The following GAS7 variants were observed in gnomAD, a reference collection of about 807,000 sequenced individuals.
The protein encoded by GAS7 is growth arrest-specific protein 7.
In GAS7, 28 loss-of-function variants were observed where a neutral mutation model predicts 71.1. That is an observed-to-expected ratio of 0.39 (90% CI 0.29 to 0.54). GAS7 has a LOEUF of 0.54. GAS7 is among the 20% of genes least tolerant of loss of function. The pLI, the probability that GAS7 is intolerant of heterozygous loss-of-function variation, is 0.62. For synonymous variants in GAS7, 258 were observed against 245.8 expected (o/e 1.05, Z -0.46); for missense variants, 436 against 627.8 (o/e 0.69, Z 3.27).
At chr17:9,971,918 C>T (rs2152121413) in intron 3 of GAS7, among the ~76,000 whole-genome samples, 1 of 152,278 alleles carries the variant, frequency 6.6e-6, no homozygotes, top group East Asian at 1.9e-4. Flanking sequence ...CACGGAGAAC[C>T]CGTCTCCTGC....
intron 11 of GAS7, among the ~76,000 whole-genome samples, chr17:9,922,849 C>G (rs1315740317): frequency 2.0e-5 from 3 of 152,136 alleles, no homozygotes; most frequent in Non-Finnish European, 4.4e-5. Context: ...GTTAGACCAC[C>G]AGTGTAAGGA....
At chr17:10,167,147 G>A (rs772990641) in intron 1 of GAS7, among the ~76,000 whole-genome samples, 2 of 124,410 alleles carry the variant, frequency 1.6e-5, no homozygotes, top group East Asian at 2.7e-4. Context: ...AACCTCCACC[G>A]CCTGGGTTCA....
chr17:9,940,198 A>G lies in GAS7; in HGVS notation c.734T>C (p.Ile245Thr), dbSNP rs1193959575. 13 of 1,611,922 alleles carry G rather than the reference A, an allele frequency of 8.1e-6. No individual in the cohort carries two copies. Among genetic ancestry groups the G allele is most frequent in the Non-Finnish European group, 1.1e-5 (13 of 1,178,132 alleles). The stretch of plus-strand genomic sequence containing the variant: ...CTTCGCATAGTCTTCTTCAATCTTT[A>G]TCCTGCAAAGAGAGAAAACCCAACA... ...KEMSEFIRER[I>T]KIEEDYAKNL... The change falls in exon 8 of 14, where the codon ATA becomes ACA. Residue 245 changes from isoleucine to threonine, a missense_variant and splice_region_variant. Ile to Thr is a moderately conservative substitution (Grantham distance 89). Transcript: ENST00000432992.
intron 5 of GAS7, among the ~76,000 whole-genome samples, chr17:9,951,433 T>C (rs1248871914): frequency 2.0e-5 from 3 of 151,916 alleles, no homozygotes. Flanking sequence ...GGCCTTGCCC[T>C]CTTGTCGGGG....
intron 9 of GAS7, among the ~76,000 whole-genome samples, chr17:9,932,214 G>A (rs1401326836): frequency 3.5e-5 from 1 of 28,690 alleles, no homozygotes; most frequent in South Asian, 1.0e-3. Context: ...TTTTTTTTTT[G>A]AGACAGAGTC....
intron 3 of GAS7, among the ~76,000 whole-genome samples, chr17:9,972,433 C>T (rs1041019622): frequency 6.6e-5 from 10 of 152,210 alleles, no homozygotes; most frequent in Admixed American, 3.9e-4. Context: ...GAATAAAACA[C>T]AGATGCTGAA....
chr17:9,920,293 G>T (rs34068256), intron 11 of GAS7, among the ~76,000 whole-genome samples: 1 of 152,130 alleles, frequency 6.6e-6, no homozygotes, highest in Non-Finnish European at 1.5e-5. Context: ...GCACACCCCA[G>T]CTTCAGGAGA....
chr17:9,919,580 G>A lies in GAS7; in HGVS notation c.1218+46C>T. On this transcript the variant is annotated intron_variant, in intron 12 of 13. Transcript: ENST00000432992. This position sits in a 1 kb window ranked among gnomAD's most constrained non-coding sequence, Gnocchi z 5.0. ...ACCAACAACCACCAGGGGCTGCTCT[G>A]TGTCAGCCTCTGTACTGCCATGTCC... 7.3e-7 allele frequency: 1 copy of A among 1,364,978 alleles called. No homozygotes were observed. Among genetic ancestry groups the A allele is most frequent in the African/African-American group, 1.4e-5 (1 of 70,266 alleles). The allele number at this position is 1,364,978 out of a possible 1,614,324, so 84.6% of individuals were successfully genotyped here.
chr17:10,170,303 T>C (rs2074326837), intron 1 of GAS7, among the ~76,000 whole-genome samples: 6 of 152,112 alleles, frequency 3.9e-5, no homozygotes. Flanking sequence ...AAAGCCCTCG[T>C]GCTTTGGCCC....
In GAS7 at chr17:9,925,505, T is replaced by C. The variant is rs2067968532; in HGVS notation, c.1109A>G (p.Lys370Arg). The change falls in exon 11 of 14, where the codon AAG becomes AGG. Residue 370 changes from lysine to arginine, a missense_variant. Physicochemically the swap from Lys to Arg is conservative, Grantham distance 26. Transcript: ENST00000432992. ...CTGTGTGGACTTTCTCCGCGCCTTC[T>C]TGATGTCCTCCTCTGTCTTGTTGCT... ...KLSNKTEEDI[K>R]KARRKSTQAG... 6.2e-7 allele frequency: 1 copy of C among 1,614,080 alleles called. No individual in the cohort carries two copies. The highest frequency in any genetic ancestry group is 8.5e-7 in the Non-Finnish European group (1 of 1,180,026).
chr17:9,982,376 T>C lies in GAS7; in HGVS notation c.305-492A>G, dbSNP rs560872662. On this transcript the variant is annotated intron_variant, in intron 2 of 13. Coordinates refer to ENST00000432992, the MANE Select transcript of GAS7 (RefSeq NM_201433.2). The stretch of plus-strand genomic sequence containing the variant: ...GGCCCTCTGCCACCTGGTGGTGACT[T>C]CCAAGTTTCTTCCTGATTTCGCAGT... Among the ~76,000 whole-genome samples the C allele has an allele frequency of 3.9e-5, 6 of 152,306 alleles. No homozygotes were observed. In the South Asian group the frequency reaches 1.2e-3, roughly 32 times the overall value.
At chr17:10,127,359 C>G (rs2073959494) in intron 1 of GAS7, among the ~76,000 whole-genome samples, 1 of 152,122 alleles carries the variant, frequency 6.6e-6, no homozygotes, top group Non-Finnish European at 1.5e-5. Context: ...AAAGATGAAC[C>G]AAACATGGCC....
At chr17:9,956,424 C>T (rs1330647068) in intron 5 of GAS7, among the ~76,000 whole-genome samples, 1 of 152,152 alleles carries the variant, frequency 6.6e-6, no homozygotes, top group Non-Finnish European at 1.5e-5. Context: ...CCACAGGTGT[C>T]CCCAAATTCC....
chr17:10,029,309 G>C (rs766854240), intron 1 of GAS7, among the ~76,000 whole-genome samples: 6 of 152,170 alleles, frequency 3.9e-5, no homozygotes, highest in Non-Finnish European at 7.3e-5. Context: ...TTCTTCTAGA[G>C]ACAAGTACTC....
chr17:10,009,716 T>A (rs1040454946), intron 2 of GAS7, among the ~76,000 whole-genome samples: 49 of 151,582 alleles, frequency 3.2e-4, no homozygotes, highest in Non-Finnish European at 6.6e-4. Flanking sequence ...ACACTTTTTT[T>A]TTTCCAGTAG....
At position 9,913,107 on chromosome 17, in the gene GAS7, A is replaced by G. The variant is rs933670685; in HGVS notation, c.*4121T>C. The G allele has an allele frequency of 4.3e-6, 1 of 232,438 alleles. No individual in the cohort carries two copies. The highest frequency in any genetic ancestry group is 2.2e-5 in the African/African-American group (1 of 45,308). The allele number at this position is 232,438 out of a possible 1,614,324, so 14.4% of individuals were successfully genotyped here. A position where few individuals can be genotyped will look rare whatever the true frequency, so the allele number is the denominator to read the frequency against. On this transcript the variant is annotated 3_prime_UTR_variant, in exon 14 of 14. Coordinates refer to ENST00000432992, the MANE Select transcript of GAS7 (RefSeq NM_201433.2). ...CAGGTTGATCTTGGTGATGGTCACA[A>G]GACACTAAATTTGTCAAAATTCACA...
intron 1 of GAS7, among the ~76,000 whole-genome samples, chr17:10,176,624 A>T (rs1202520350): frequency 2.0e-5 from 3 of 152,192 alleles, no homozygotes; most frequent in African/African-American, 7.2e-5. Context: ...AAGGTACCGT[A>T]GTTAAAACCC....
chr17:10,073,260 T>C (rs3852805), intron 1 of GAS7, among the ~76,000 whole-genome samples: 88,042 of 151,980 alleles, frequency 0.58, 25,987 homozygotes, highest in Non-Finnish European at 0.6. Context: ...ACTATGCAGG[T>C]ACCTCAGTGA....
At chr17:10,059,868 G>A in intron 1 of GAS7, 1 of 929,212 alleles carries the variant, frequency 1.1e-6, no homozygotes, top group Non-Finnish European at 1.3e-6. Context: ...CGTTGCCGTG[G>A]CAACCAAACA....
Sources: gnomAD v4.1 joint callset for allele counts (sites outside exome capture counted in the v4.1 genomes callset) on GRCh38, gnomAD v4.1.1 for gene constraint, Gnocchi (gnomAD v3.1) non-coding constraint, MANE v1.5 for transcripts, NCBI Gene and HGNC (gene_info 2026-07-23, HGNC 2026-07-21) for gene names.